Variants in TFAP2B observed in about 807,000 individuals in gnomAD.
TFAP2B encodes the protein transcription factor AP-2-beta.
TFAP2B carries 9 observed loss-of-function variants against 44.3 expected under a neutral mutation model. The ratio of observed to expected loss-of-function variants is 0.20; its 90% CI spans 0.12 to 0.35. The LOEUF (loss-of-function observed/expected upper bound fraction) is 0.35. TFAP2B is among the 10% of genes least tolerant of loss of function. The pLI is 1.00. For missense variants in TFAP2B, 509 were observed against 600.0 expected (o/e 0.85, Z 1.59); for synonymous variants, 270 against 263.8 (o/e 1.02, Z -0.23).
intron 3 of TFAP2B, 114 bp from the exon 4 acceptor site, chr6:50,835,947 C>T (rs1385576382): frequency 3.4e-6 from 3 of 890,558 alleles, no homozygotes; most frequent in African/African-American, 1.6e-5. Context: ...CACTTCCTCC[C>T]TCAGCTTTCC....
intron 1 of TFAP2B, among the ~76,000 whole-genome samples, chr6:50,819,739 C>T (rs1770270696): frequency 6.6e-6 from 1 of 152,210 alleles, no homozygotes; most frequent in Admixed American, 6.5e-5. Context: ...GGGCCCGGAC[C>T]GCGCTCGCCA....
chr6:50,837,322 TCA>T (rs2113951686), intron 4 of TFAP2B, among the ~76,000 whole-genome samples: 1 of 152,322 alleles, frequency 6.6e-6, no homozygotes, highest in South Asian at 2.1e-4. Context: ...GCTTTGAGCC[TCA>T]GAGTGTGGAA....
intron 3 of TFAP2B, among the ~76,000 whole-genome samples, chr6:50,831,409 C>G (rs535344293): frequency 3.9e-4 from 59 of 152,286 alleles, no homozygotes; most frequent in South Asian, 1.7e-3. Flanking sequence ...CTTAGCTGCC[C>G]CATTAGAGCT....
rs60307026 is a variant in TFAP2B, at chr6:50,829,948, A to ATC, written c.601+1288_601+1289dup. ...ATTTATTTTAGTGGTTGCTTCAAAC[A>ATC]TCTCTCTCTCTCTCTCTCTCATCTT... On this transcript the variant is annotated intron_variant, in intron 3 of 6. Coordinates refer to ENST00000393655, the MANE Select transcript of TFAP2B (RefSeq NM_003221.4). Among the ~76,000 whole-genome samples the ATC allele has an allele frequency of 8.6e-4, 129 of 150,036 alleles. 2 individuals are homozygous for ATC. The South Asian group carries it at 0.017, about 20-fold the overall frequency.
At chr6:50,828,972 T>A (rs1770600384) in intron 3 of TFAP2B, among the ~76,000 whole-genome samples, 1 of 152,224 alleles carries the variant, frequency 6.6e-6, no homozygotes, top group Non-Finnish European at 1.5e-5. Context: ...TGAGCTATCA[T>A]CATGTGTGGA....
At chr6:50,836,006 G>C in intron 3 of TFAP2B, 55 bp from the exon 4 acceptor site, 2 of 1,364,076 alleles carry the variant, frequency 1.5e-6, no homozygotes, top group Non-Finnish European at 2.1e-6. Context: ...TCTATCAGCC[G>C]GTCATCAGGA....
At chr6:50,837,215 A>G (rs2113951535) in intron 4 of TFAP2B, among the ~76,000 whole-genome samples, 1 of 152,320 alleles carries the variant, frequency 6.6e-6, no homozygotes, top group Middle Eastern at 3.4e-3. Context: ...TAGCACATAC[A>G]AGGAGAATCT....
Position 50,843,275 on chromosome 6 carries a change from C to T in TFAP2B, c.1266C>T (p.Thr422=), listed in dbSNP as rs779486130. Reference sequence around the variant, plus strand: ...TCACGGCCCTGCAGAACTATCTCACCGAGGCGCTCAAAGGCATGGACAAGA... The same window carrying T: ...TCACGGCCCTGCAGAACTATCTCACTGAGGCGCTCAAAGGCATGGACAAGA... ...AALTALQNYL[T]EALKGMDKMF... is the part of the protein sequence containing the mutation. The change falls in exon 7 of 7, where the codon ACC becomes ACT. Residue 422 remains threonine, a synonymous_variant. Coordinates refer to ENST00000393655, the MANE Select transcript of TFAP2B (RefSeq NM_003221.4). 3 of 1,614,152 alleles carry T rather than the reference C, an allele frequency of 1.9e-6. No homozygotes were observed. In the South Asian group the frequency reaches 3.3e-5, roughly 18 times the overall value.
intron 3 of TFAP2B, among the ~76,000 whole-genome samples, chr6:50,835,336 C>T (rs1052120866): frequency 2.6e-5 from 4 of 152,224 alleles, no homozygotes; most frequent in Admixed American, 6.5e-5. Context: ...AAACAAAATT[C>T]ATGTCACTGC....
At chr6:50,825,242 G>A (rs547455168) in intron 2 of TFAP2B, among the ~76,000 whole-genome samples, 2 of 152,088 alleles carry the variant, frequency 1.3e-5, no homozygotes, top group South Asian at 4.2e-4. Flanking sequence ...ACTGTTCCTG[G>A]CTAGAGATAT....
At chr6:50,840,701 T>C (rs1003986747) in intron 6 of TFAP2B, among the ~76,000 whole-genome samples, 8 of 152,182 alleles carry the variant, frequency 5.3e-5, no homozygotes, top group Admixed American at 2.0e-4. Flanking sequence ...CGTGTACCCA[T>C]CTCTACCCAC....
chr6:50,838,120 G>C (rs754778070), intron 5 of TFAP2B, 27 bp downstream of exon 5: 1 of 1,544,336 alleles, frequency 6.5e-7, no homozygotes, highest in African/African-American at 1.4e-5. Context: ...GCCATTTCAC[G>C]AAGTGGCTGA....
intron 6 of TFAP2B, among the ~76,000 whole-genome samples, 160 bp downstream of exon 6, chr6:50,840,457 A>G (rs1762704089): frequency 6.6e-6 from 1 of 152,218 alleles, no homozygotes; most frequent in African/African-American, 2.4e-5. Flanking sequence ...TTGATGGGCT[A>G]CAGGTTTGTC....
intron 1 of TFAP2B, among the ~76,000 whole-genome samples, chr6:50,820,113 A>C (rs537264211): frequency 1.5e-4 from 23 of 152,208 alleles, no homozygotes; most frequent in African/African-American, 4.3e-4. Flanking sequence ...GGAGATTGCT[A>C]AGAGGAAAAG....
At chr6:50,840,787 G>A (rs997849780) in intron 6 of TFAP2B, among the ~76,000 whole-genome samples, 1 of 152,216 alleles carries the variant, frequency 6.6e-6, no homozygotes, top group Non-Finnish European at 1.5e-5. Context: ...CAACTCCAGA[G>A]GGGAAAATAG....
chr6:50,838,134 T>G lies in TFAP2B; in HGVS notation c.940+41T>G, dbSNP rs752723089. The G allele has an allele frequency of 3.6e-5, 52 of 1,448,526 alleles. No individual in the cohort carries two copies. In the South Asian group the frequency reaches 5.8e-4, roughly 16 times the overall value. The allele number at this position is 1,448,526 out of a possible 1,614,324, so 89.7% of individuals were successfully genotyped here. ...GGCCATTTCACGAAGTGGCTGAGCT[T>G]AACTGTCGGCTGGAGGCTGACATTT... On this transcript the variant is annotated intron_variant, in intron 5 of 6. Transcript: ENST00000393655.
rs765100874 is a variant in TFAP2B at position 50,843,125 on chromosome 6, G to T, written c.1116G>T (p.Ala372=). 74 of 1,614,098 alleles carry T rather than the reference G, an allele frequency of 4.6e-5. 1 individual carries two copies. The highest frequency in any genetic ancestry group is 5.9e-5 in the Non-Finnish European group (70 of 1,180,050). ...QLCKEFTDLL[A]QDRTPIGNSR... ...GTAAAGAATTTACGGATCTACTGGC[G>T]CAGGACCGGACACCGATAGGGAACA... Residue 372 remains alanine, a synonymous_variant, in exon 7 of 7, where the codon GCG becomes GCT. Transcript: ENST00000393655.
At chr6:50,836,667 C>CA (rs1004827051) in intron 4 of TFAP2B, among the ~76,000 whole-genome samples, 30 of 152,136 alleles carry the variant, frequency 2.0e-4, no homozygotes, top group African/African-American at 4.8e-5. Context: ...CCAGCCCCCC[C>CA]ACAAAAAACC....
chr6:50,843,039 C>T, intron 6 of TFAP2B, 53 bp from the exon 7 acceptor site: 1 of 1,611,102 alleles, frequency 6.2e-7, no homozygotes, highest in Non-Finnish European at 8.5e-7. Context: ...TTTCTAATGC[C>T]AATGACAACG....
Sources: gnomAD v4.1 joint callset for allele counts (sites outside exome capture counted in the v4.1 genomes callset) on GRCh38, gnomAD v4.1.1 for gene constraint, MANE v1.5 for transcripts, NCBI Gene and HGNC (gene_info 2026-07-23, HGNC 2026-07-21) for gene names.